The following SLC18A2 variants were observed in gnomAD, a reference collection of about 807,000 sequenced individuals.
SLC18A2 encodes solute carrier family 18 member A2.
In SLC18A2, 33 loss-of-function variants were observed where a neutral mutation model predicts 59.2. The observed-to-expected ratio is 0.56, with a 90% confidence interval of 0.42 to 0.75. The LOEUF is 0.75. SLC18A2 is among the 30% of genes least tolerant of loss of function. The probability of loss-of-function intolerance (pLI) is 0.00; values close to 1 mark genes in which losing one functional copy is unlikely to be tolerated. For synonymous variants in SLC18A2, 228 were observed against 253.5 expected (o/e 0.90, Z 0.95); for missense variants, 569 against 668.6 (o/e 0.85, Z 1.64).
Position 117,241,720 on chromosome 10 carries a change from C to T in SLC18A2, c.27C>T (p.Val9=), listed in dbSNP as rs368087382. Residue 9 remains valine (V), a synonymous_variant, in exon 2 of 16, where the codon GTC becomes GTT. Coordinates refer to ENST00000644641, the MANE Select transcript of SLC18A2 (RefSeq NM_003054.6). The part of the protein sequence containing the change: MALSELAL[V]RWLQESRRSR... ...TGGCCCTGAGCGAGCTGGCGCTGGT[C>T]CGCTGGCTGCAGGAGAGCCGCCGCT... 1.4e-4 allele frequency: 231 copies of T among 1,604,790 alleles called. 4 individuals carry two copies. The Middle Eastern group carries it at 8.5e-3, about 59-fold the overall frequency.
Position 117,269,314 on chromosome 10 carries a change from CATATATACATAT to C in SLC18A2, c.1187-755_1187-744del. 7.8e-6 allele frequency among the ~76,000 whole-genome samples: 1 copy of C among 127,736 alleles called. No individual in the cohort carries two copies. The highest frequency in any genetic ancestry group is 2.8e-4 in the South Asian group (1 of 3,610). The allele number at this position is 127,736 out of a possible 152,430, so 83.8% of individuals were successfully genotyped here. ...ATATATACACATACATACACAGATA[CATATATACATAT>C]ACATAATACACATACACACATGCAT... On this transcript the variant is annotated intron_variant, in intron 13 of 15. Transcript: ENST00000644641. The surrounding 1 kb of genome is among the most constrained non-coding windows in gnomAD (Gnocchi z 5.1).
Position 117,277,310 on chromosome 10 carries a change from CAG to C in SLC18A2, c.*45_*46del, listed in dbSNP as rs1405760833. On this transcript the variant is annotated 3_prime_UTR_variant, in exon 16 of 16. Coordinates refer to ENST00000644641, the MANE Select transcript of SLC18A2 (RefSeq NM_003054.6). The stretch of plus-strand genomic sequence containing the variant: ...CATCAAAGTGTTTAATTGTATAAAA[CAG>C]TGTTTCCAGTGACACAACTCATCCA... 8.4e-7 allele frequency: 1 copy of C among 1,191,556 alleles called. No homozygotes were observed. Among genetic ancestry groups the C allele is most frequent in the Non-Finnish European group, 1.2e-6 (1 of 813,430 alleles). The allele number at this position is 1,191,556 out of a possible 1,614,324, so 73.8% of individuals were successfully genotyped here.
At position 117,269,316 on chromosome 10, in the gene SLC18A2, T is replaced by A. The variant is rs1844395850; in HGVS notation, c.1187-755T>A. 8.1e-6 allele frequency among the ~76,000 whole-genome samples: 1 copy of A among 122,864 alleles called. No homozygotes were observed. Among genetic ancestry groups the A allele is most frequent in the Non-Finnish European group, 1.7e-5 (1 of 59,640 alleles). 80.6% of individuals were successfully genotyped at this position (122,864 alleles called of 152,430 possible). On this transcript the variant is annotated intron_variant, in intron 13 of 15. Coordinates refer to ENST00000644641, the MANE Select transcript of SLC18A2 (RefSeq NM_003054.6). This position sits in a 1 kb window ranked among gnomAD's most constrained non-coding sequence, Gnocchi z 5.1. ...ATATACACATACATACACAGATACA[T>A]ATATACATATACATAATACACATAC...
chr10:117,245,756 C>T (rs1844104794), intron 3 of SLC18A2, among the ~76,000 whole-genome samples: 1 of 151,558 alleles, frequency 6.6e-6, no homozygotes, highest in Admixed American at 6.6e-5. Context: ...GGCTGGGGCT[C>T]AAGGAGGGGA....
intron 10 of SLC18A2, among the ~76,000 whole-genome samples, chr10:117,266,151 G>C (rs1844346605): frequency 6.7e-6 from 1 of 150,074 alleles, no homozygotes; most frequent in Admixed American, 6.7e-5. Context: ...AGACATTTAT[G>C]TTTCTGACAT....
intron 3 of SLC18A2, among the ~76,000 whole-genome samples, chr10:117,251,935 A>T (rs1844166018): frequency 6.6e-6 from 1 of 151,958 alleles, no homozygotes; most frequent in Non-Finnish European, 1.5e-5. Flanking sequence ...TAAACTTTAA[A>T]TGAAGGCGCT....
chr10:117,244,270 G>T lies in SLC18A2; in HGVS notation c.421G>T (p.Val141Phe). The change falls in exon 3 of 16, where the codon GTC becomes TTC. Residue 141 changes from valine (V) to phenylalanine (F), a missense_variant. Physicochemically the swap from Val to Phe is conservative, Grantham distance 50. Transcript: ENST00000644641. ...TCTGTTGTTTGCCTCGAAAGCCACC[G>T]TCCAGCTCATCACCAACCCTTTCAT... ...VGLLFASKATVQLITNPFIGL... is the reference protein window; with the variant it reads ...VGLLFASKATFQLITNPFIGL... The T allele has an allele frequency of 6.2e-7, 1 of 1,614,162 alleles. No homozygotes were observed. The highest frequency in any genetic ancestry group is 8.5e-7 in the Non-Finnish European group (1 of 1,180,012).
In SLC18A2 at chr10:117,241,698, C is replaced by G. The variant is rs554627946; in HGVS notation, c.5C>G (p.Ala2Gly). 1.3e-6 allele frequency: 2 copies of G among 1,593,096 alleles called. No homozygotes were observed. Among genetic ancestry groups the G allele is most frequent in the South Asian group, 2.3e-5 (2 of 88,816 alleles). ...CCGCAGCGGAGCCCCGGAGCCATGG[C>G]CCTGAGCGAGCTGGCGCTGGTCCGC... Reference protein sequence around the residue: MALSELALVRWL... With the variant: MGLSELALVRWL... Residue 2 changes from alanine to glycine, a missense_variant, in exon 2 of 16, where the codon GCC becomes GGC. Around this residue, in one of 2 missense-constraint regions of SLC18A2, gnomAD observed 377 missense variants for 389.8 expected, o/e 0.97. Coordinates refer to ENST00000644641, the MANE Select transcript of SLC18A2 (RefSeq NM_003054.6).
In SLC18A2 at chr10:117,253,464, G is replaced by A; in HGVS notation, c.523+7G>A. The stretch of plus-strand genomic sequence containing the variant: ...ATGTTTGTCTCAACAATTAGTAAGT[G>A]TGTGGTGTTTTCCTTCTGAGTGTGG... On this transcript the variant is annotated splice_region_variant and intron_variant, in intron 4 of 15. Coordinates refer to ENST00000644641, the MANE Select transcript of SLC18A2 (RefSeq NM_003054.6). 1 of 1,603,506 alleles carries A rather than the reference G, an allele frequency of 6.2e-7. No homozygotes were observed. The highest frequency in any genetic ancestry group is 8.5e-7 in the Non-Finnish European group (1 of 1,173,108).
At chr10:117,262,745 C>A (rs1320932773) in intron 10 of SLC18A2, among the ~76,000 whole-genome samples, 1 of 152,130 alleles carries the variant, frequency 6.6e-6, no homozygotes, top group Non-Finnish European at 1.5e-5. Flanking sequence ...TCATGGCTCA[C>A]TGTAGCCTCA....
At chr10:117,252,919 C>T (rs1257444218) in intron 3 of SLC18A2, among the ~76,000 whole-genome samples, 1 of 152,180 alleles carries the variant, frequency 6.6e-6, no homozygotes. Context: ...CTTTGTCTTT[C>T]TGGGTTGGCC....
At chr10:117,272,654 CTGCAAGA>C in intron 15 of SLC18A2, among the ~76,000 whole-genome samples, 1 of 152,232 alleles carries the variant, frequency 6.6e-6, no homozygotes, top group East Asian at 1.9e-4. Context: ...GCCACTTTCA[CTGCAAGA>C]TGTTACAATC....
intron 10 of SLC18A2, 37 bp downstream of exon 10, chr10:117,257,929 T>C (rs1196111433): frequency 6.8e-7 from 1 of 1,467,670 alleles, no homozygotes; most frequent in African/African-American, 1.4e-5. Flanking sequence ...TTCAAGAGCA[T>C]TTGTCCCCAG....
chr10:117,256,520 G>T (rs937718958), intron 9 of SLC18A2, among the ~76,000 whole-genome samples: 2 of 152,234 alleles, frequency 1.3e-5, no homozygotes, highest in African/African-American at 2.4e-5. Context: ...AGGTAGGCTG[G>T]AGGGCGCCTG....
rs1387512764 is a variant in SLC18A2, at chr10:117,264,782, A to C, written c.992-1951A>C. 2.0e-5 allele frequency among the ~76,000 whole-genome samples: 3 copies of C among 152,292 alleles called. No individual in the cohort carries two copies. The East Asian group carries it at 5.8e-4, about 29-fold the overall frequency. On this transcript the variant is annotated intron_variant, in intron 10 of 15. Transcript: ENST00000644641. ...ATCATGAGACAAATGTTGTCATGAT[A>C]TCTTACTATCCGGACTAACAGTCCC...
chr10:117,266,030 C>T (rs1844343945), intron 10 of SLC18A2, among the ~76,000 whole-genome samples: 1 of 139,678 alleles, frequency 7.2e-6, no homozygotes, highest in Non-Finnish European at 1.5e-5. Context: ...GCAGAGGTTG[C>T]AGTGAGCCAA....
At chr10:117,253,119 G>A (rs1161303854) in intron 3 of SLC18A2, among the ~76,000 whole-genome samples, 1 of 152,140 alleles carries the variant, frequency 6.6e-6, no homozygotes, top group Admixed American at 6.5e-5. Flanking sequence ...AGAAATAGGG[G>A]CCGTGTATTT....
intron 3 of SLC18A2, among the ~76,000 whole-genome samples, chr10:117,250,642 C>G (rs1359266824): frequency 6.6e-6 from 1 of 152,194 alleles, no homozygotes; most frequent in Non-Finnish European, 1.5e-5. Context: ...ATCAGCAGGG[C>G]CTAGCACATG....
At chr10:117,258,047 GGTCT>G (rs1844250090) in intron 10 of SLC18A2, among the ~76,000 whole-genome samples, 155 bp downstream of exon 10, 1 of 152,060 alleles carries the variant, frequency 6.6e-6, no homozygotes, top group Admixed American at 6.5e-5. Flanking sequence ...GCAGCCTTGG[GGTCT>G]GTTTGTTCTC....
Sources: allele counts gnomAD v4.1 joint callset (sites outside exome capture counted in the v4.1 genomes callset), GRCh38; gene constraint gnomAD v4.1.1; regional missense constraint gnomAD v4.1.1; non-coding constraint Gnocchi (gnomAD v3.1); transcripts MANE v1.5; gene names NCBI Gene and HGNC (gene_info 2026-07-23, HGNC 2026-07-21).